The following MYBBP1A variants were observed in gnomAD, a reference collection of about 807,000 sequenced individuals.
MYBBP1A encodes the protein myb-binding protein 1A.
MYBBP1A carries 147 observed loss-of-function variants against 136.3 expected under a neutral mutation model. That is an observed-to-expected ratio of 1.08 (90% CI 0.94 to 1.24). The LOEUF (loss-of-function observed/expected upper bound fraction) is 1.24. MYBBP1A is among the 50% of genes most tolerant of loss of function. MYBBP1A has a pLI of 0.00. For missense variants in MYBBP1A, 2,060 were observed against 1,727.4 expected (o/e 1.19, Z -3.41); for synonymous variants, 947 against 735.8 (o/e 1.29, Z -4.65).
At position 4,548,089 on chromosome 17, in the gene MYBBP1A, G is replaced by A. The variant is rs1328305660; in HGVS notation, c.1725-32C>T. ...GGAGACAGGCGATTCCCAGGCCCCT[G>A]CACCAGTCAGACTGCAGCGTCCTGC... On this transcript the variant is annotated intron_variant, in intron 12 of 25. Transcript: ENST00000254718. The surrounding 1 kb of genome is among the most constrained non-coding windows in gnomAD (Gnocchi z 4.2). 2 of 1,600,608 alleles carry A rather than the reference G, an allele frequency of 1.2e-6. No individual in the cohort carries two copies. The highest frequency in any genetic ancestry group is 1.3e-5 in the African/African-American group (1 of 74,834).
At position 4,545,843 on chromosome 17, in the gene MYBBP1A, C is replaced by T. The variant is rs950336579; in HGVS notation, c.1921+3G>A. 6.2e-7 allele frequency: 1 copy of T among 1,612,924 alleles called. No homozygotes were observed. Among genetic ancestry groups the T allele is most frequent in the Non-Finnish European group, 8.5e-7 (1 of 1,179,828 alleles). ...CTAGTCCCTCTCGTGACCAAGGACC[C>T]ACCGATGGTCTTGGTGCGGCTCCGG... On this transcript the variant is annotated splice_donor_region_variant and intron_variant, in intron 14 of 25. Transcript: ENST00000254718.
chr17:4,540,512 G>A (rs955902078), intron 24 of MYBBP1A, 28 bp from the exon 25 acceptor site: 5 of 1,586,896 alleles, frequency 3.2e-6, no homozygotes, highest in Non-Finnish European at 4.3e-6. Flanking sequence ...GCAGAGCTGT[G>A]GGGCCACAGA....
Position 4,539,344 on chromosome 17 carries a change from TAA to T in MYBBP1A, c.*69_*70del, listed in dbSNP as rs372363229. 35,024 of 1,355,544 alleles carry T rather than the reference TAA, an allele frequency of 0.026. 2 individuals carry two copies. Among genetic ancestry groups the T allele is most frequent in the East Asian group, 0.096 (3,698 of 38,420 alleles). The allele number at this position is 1,355,544 out of a possible 1,614,324, so 84.0% of individuals were successfully genotyped here. Reference sequence around the variant, plus strand: ...CAGCTTGCGTATTAAAATCATGGTTTAAAAAAAAAAAAAAAAAATAGGCGTCT... The same window carrying T: ...CAGCTTGCGTATTAAAATCATGGTTTAAAAAAAAAAAAAAAATAGGCGTCT... On this transcript the variant is annotated 3_prime_UTR_variant, in exon 26 of 26. Coordinates refer to ENST00000254718, the MANE Select transcript of MYBBP1A (RefSeq NM_014520.4).
intron 17 of MYBBP1A, 38 bp downstream of exon 17, chr17:4,544,988 C>CCCG: frequency 6.8e-7 from 1 of 1,463,936 alleles, no homozygotes; most frequent in Non-Finnish European, 9.1e-7. Flanking sequence ...ACACCCGAGC[C>CCCG]CTCCCCGGCC....
At position 4,552,064 on chromosome 17, in the gene MYBBP1A, G is replaced by C; in HGVS notation, c.905+61C>G. ...GCCCCTGGTGGGAACCTCAGGACTA[G>C]TGGCCTAGCCCACTTCACGGACAGG... On this transcript the variant is annotated intron_variant, in intron 7 of 25. Transcript: ENST00000254718. The surrounding 1 kb of genome is among the most constrained non-coding windows in gnomAD (Gnocchi z 4.7). The C allele has an allele frequency of 6.3e-7, 1 of 1,597,526 alleles. No individual in the cohort carries two copies. The highest frequency in any genetic ancestry group is 8.5e-7 in the Non-Finnish European group (1 of 1,170,216).
Position 4,541,817 on chromosome 17 carries a change from C to T in MYBBP1A, c.3162G>A (p.Gln1054=). 1 of 1,614,144 alleles carries T rather than the reference C, an allele frequency of 6.2e-7. No homozygotes were observed. The highest frequency in any genetic ancestry group is 2.2e-5 in the East Asian group (1 of 44,888). The change falls in exon 23 of 26, where the codon CAG becomes CAA. Residue 1054 remains glutamine (Q), a synonymous_variant. Transcript: ENST00000254718. ...CCTTTGCTAGGACCTGGCCCATCAGCTGCTTCCACTCGGGGTCCTCAAAGC... is the reference window on the plus strand; with the variant it reads ...CCTTTGCTAGGACCTGGCCCATCAGTTGCTTCCACTCGGGGTCCTCAAAGC... ...RSCFEDPEWK[Q]LMGQVLAKVT...
chr17:4,546,280 G>A (rs1047061177), intron 13 of MYBBP1A, among the ~76,000 whole-genome samples: 14 of 152,116 alleles, frequency 9.2e-5, no homozygotes, highest in African/African-American at 2.9e-4. Flanking sequence ...CACCATGCCC[G>A]GCTAATTTTT....
rs1028009972 is a variant in MYBBP1A at position 4,540,924 on chromosome 17, A to G, written c.3298-440T>C. Among the ~76,000 whole-genome samples the G allele has an allele frequency of 1.8e-4, 28 of 151,400 alleles. 1 individual carries two copies. The highest frequency in any genetic ancestry group is 8.4e-4 in the South Asian group (4 of 4,780). On this transcript the variant is annotated intron_variant, in intron 24 of 25. Coordinates refer to ENST00000254718, the MANE Select transcript of MYBBP1A (RefSeq NM_014520.4). ...TTCCTCACTATCAGCCAGTTTTGTA[A>G]GGCCCCGTCCCGGGCCCCGCCTCTG...
rs1906482724 is a variant in MYBBP1A, at chr17:4,542,021, G to A, written c.3088-130C>T. Reference sequence around the variant, plus strand: ...CGTGTGAGGCTGCCTGCTGCTCTGGGCTCTGTGACTACCTGCTCCTGTGCC... The same window carrying A: ...CGTGTGAGGCTGCCTGCTGCTCTGGACTCTGTGACTACCTGCTCCTGTGCC... On this transcript the variant is annotated intron_variant, in intron 22 of 25. Coordinates refer to ENST00000254718, the MANE Select transcript of MYBBP1A (RefSeq NM_014520.4). The A allele has an allele frequency of 1.2e-5, 8 of 669,362 alleles. No homozygotes were observed. The South Asian group carries it at 1.3e-4, about 11-fold the overall frequency. The allele number at this position is 669,362 out of a possible 1,614,324, so 41.5% of individuals were successfully genotyped here.
chr17:4,544,865 C>A lies in MYBBP1A; in HGVS notation c.2367G>T (p.Leu789=). The part of the protein sequence containing the change: ...EELGDEAMMA[L]DQSLASLFAE... The stretch of plus-strand genomic sequence containing the variant: ...CAAAGAGGCTGGCGAGGCTCTGGTC[C>A]AGGGCCATCATGGCCTCATCCCCCA... The change falls in exon 18 of 26, where the codon CTG becomes CTT. Residue 789 remains leucine, a synonymous_variant. Transcript: ENST00000254718. 1 of 1,608,470 alleles carries A rather than the reference C, an allele frequency of 6.2e-7. No individual in the cohort carries two copies.
At position 4,548,716 on chromosome 17, in the gene MYBBP1A, G is replaced by C. The variant is rs1907230246; in HGVS notation, c.1431-67C>G. On this transcript the variant is annotated intron_variant, in intron 10 of 25. Coordinates refer to ENST00000254718, the MANE Select transcript of MYBBP1A (RefSeq NM_014520.4). The surrounding 1 kb of genome is among the most constrained non-coding windows in gnomAD (Gnocchi z 4.2). ...TGGTTTTTACAGGCTCCCCTCCTTG[G>C]ATGGTACCACCGAGGGTACAAGGCC... is the stretch of plus-strand genomic sequence containing the variant. 6.2e-7 allele frequency: 1 copy of C among 1,602,016 alleles called. No individual in the cohort carries two copies. Among genetic ancestry groups the C allele is most frequent in the Admixed American group, 1.7e-5 (1 of 59,560 alleles).
In MYBBP1A at chr17:4,543,163, T is replaced by C; in HGVS notation, c.2642A>G (p.His881Arg). ...GTAGCGCCGGGCACGGCACAGGTGG[T>C]GCCTGTGGGTGGTGAGGACGAGAGC... ...LLHKTARIFT[H>R]HLCRARRYCH... is the part of the protein sequence containing the mutation. Residue 881 changes from histidine (H) to arginine (R), a missense_variant and splice_region_variant, in exon 20 of 26, where the codon CAC becomes CGC. Physicochemically the swap from His to Arg is conservative, Grantham distance 29 (BLOSUM62 0). Coordinates refer to ENST00000254718, the MANE Select transcript of MYBBP1A (RefSeq NM_014520.4). 5 of 1,602,058 alleles carry C rather than the reference T, an allele frequency of 3.1e-6. No individual in the cohort carries two copies. The highest frequency in any genetic ancestry group is 4.3e-6 in the Non-Finnish European group (5 of 1,174,692).
In MYBBP1A at chr17:4,555,152, A is replaced by G. The variant is rs775229785; in HGVS notation, c.173T>C (p.Leu58Pro). 3.8e-5 allele frequency: 60 copies of G among 1,599,700 alleles called. No individual in the cohort carries two copies. In the South Asian group the frequency reaches 6.7e-4, roughly 18 times the overall value. ...ETRLAATEKL[L>P]EYLRGRPKGS... ...CTTCGGCCTGCCACGCAGATACTCC[A>G]GCAGCTTCTCCGTGGCCGCAAGTCG... The change falls in exon 1 of 26, where the codon CTG (leucine) becomes CCG (proline). Residue 58 changes from leucine (L) to proline (P), a missense_variant. Transcript: ENST00000254718.
rs1907912612 is a variant in MYBBP1A at position 4,555,118 on chromosome 17, C to T, written c.198+9G>A. On this transcript the variant is annotated intron_variant, in intron 1 of 25. Transcript: ENST00000254718. ...TGCGCAGCCTCTGCCCCAGACCCCG[C>T]CACTCCACCTTCGGCCTGCCACGCA... 2 of 1,583,236 alleles carry T rather than the reference C, an allele frequency of 1.3e-6. No individual in the cohort carries two copies. Among genetic ancestry groups the T allele is most frequent in the Non-Finnish European group, 1.7e-6 (2 of 1,164,154 alleles).
rs773395176 is a variant in MYBBP1A, at chr17:4,542,628, G to C, written c.3006C>G (p.Phe1002Leu). The change falls in exon 21 of 26, where the codon TTC becomes TTG. Residue 1002 changes from phenylalanine (F) to leucine (L), a missense_variant. Transcript: ENST00000254718. ...PLTVPMFLSL[F>L]SRHPVLCQSL... is the part of the protein sequence containing the mutation. ...CCCCAACACTCACCGGGTGCCGGGA[G>C]AAGAGGCTGAGGAACATGGGAACTG... 2.5e-6 allele frequency: 4 copies of C among 1,614,036 alleles called. No homozygotes were observed. Among genetic ancestry groups the C allele is most frequent in the Non-Finnish European group, 3.4e-6 (4 of 1,179,918 alleles).
In MYBBP1A at chr17:4,548,278, T is replaced by C; in HGVS notation, c.1589A>G (p.Gln530Arg). The C allele has an allele frequency of 6.2e-7, 1 of 1,612,596 alleles. No individual in the cohort carries two copies. The highest frequency in any genetic ancestry group is 2.2e-5 in the East Asian group (1 of 44,874). Residue 530 changes from glutamine to arginine, a missense_variant, in exon 12 of 26, where the codon CAG (glutamine) becomes CGG (arginine). Coordinates refer to ENST00000254718, the MANE Select transcript of MYBBP1A (RefSeq NM_014520.4). This position sits in a 1 kb window ranked among gnomAD's most constrained non-coding sequence, Gnocchi z 4.2. Reference protein sequence around the residue: ...LLQTLSTQFKQAPGQTQGGQP... With the variant: ...LLQTLSTQFKRAPGQTQGGQP... ...CCCACCCTGGGTCTGGCCCGGTGCC[T>C]GCTTGAACTGCGTGCTGAGGGTCTG... is the stretch of plus-strand genomic sequence containing the variant.
Position 4,552,475 on chromosome 17 carries a change from A to G in MYBBP1A, c.713T>C (p.Leu238Pro), listed in dbSNP as rs1431491809. The G allele has an allele frequency of 3.1e-6, 5 of 1,613,494 alleles. No individual in the cohort carries two copies. Among genetic ancestry groups the G allele is most frequent in the Non-Finnish European group, 4.2e-6 (5 of 1,180,030 alleles). Reference protein sequence around the residue: ...KLKKLVGSVNLFSDENVPRLV... With the variant: ...KLKKLVGSVNPFSDENVPRLV... ...CCTGGGGACATTCTCATCTGAGAATAGGTTCACGGATCCCACCAGCTTCTT... is the reference window on the plus strand; with the variant it reads ...CCTGGGGACATTCTCATCTGAGAATGGGTTCACGGATCCCACCAGCTTCTT... The change falls in exon 6 of 26, where the codon CTA becomes CCA. Residue 238 changes from leucine to proline, a missense_variant. Physicochemically the swap from Leu to Pro is moderately conservative, Grantham distance 98 (BLOSUM62 -3). Transcript: ENST00000254718. The surrounding 1 kb of genome is among the most constrained non-coding windows in gnomAD (Gnocchi z 4.7).
chr17:4,544,159 A>G (rs930807944), intron 19 of MYBBP1A, among the ~76,000 whole-genome samples: 1 of 151,240 alleles, frequency 6.6e-6, no homozygotes, highest in African/African-American at 2.5e-5. Flanking sequence ...ACCCCAGCAC[A>G]GCCCCACTTG....
chr17:4,551,884 G>C lies in MYBBP1A; in HGVS notation c.1019C>G (p.Ala340Gly). The C allele has an allele frequency of 6.2e-7, 1 of 1,612,686 alleles. No individual in the cohort carries two copies. Among genetic ancestry groups the C allele is most frequent in the Non-Finnish European group, 8.5e-7 (1 of 1,179,360 alleles). The change falls in exon 8 of 26, where the codon GCT (alanine) becomes GGT (glycine). Residue 340 changes from alanine to glycine, a missense_variant. Ala to Gly is a moderately conservative substitution (Grantham distance 60). Coordinates refer to ENST00000254718, the MANE Select transcript of MYBBP1A (RefSeq NM_014520.4). Reference protein sequence around the residue: ...IRHYGEHVCTAKLPKQFKFAP... With the variant: ...IRHYGEHVCTGKLPKQFKFAP... ...AGCTGCACGGGCATTACCCACCTTA[G>C]CAGTGCACACGTGCTCCCCGTAATG... is the stretch of plus-strand genomic sequence containing the variant.
Sources: gnomAD v4.1 joint callset for allele counts (sites outside exome capture counted in the v4.1 genomes callset) on GRCh38, gnomAD v4.1.1 for gene constraint, Gnocchi (gnomAD v3.1) non-coding constraint, MANE v1.5 for transcripts, NCBI Gene and HGNC (gene_info 2026-07-23, HGNC 2026-07-21) for gene names.